The following CAPRIN2 variants were observed in gnomAD, a reference collection of about 807,000 sequenced individuals.
The protein encoded by CAPRIN2 is caprin family member 2.
CAPRIN2 carries 66 observed loss-of-function variants against 130.4 expected under a neutral mutation model. The observed-to-expected ratio is 0.51, with a 90% confidence interval of 0.42 to 0.62. CAPRIN2 has a LOEUF of 0.62. CAPRIN2 is among the 20% of genes least tolerant of loss of function. The pLI, the probability that CAPRIN2 is intolerant of heterozygous loss-of-function variation, is 0.00. For synonymous variants in CAPRIN2, 471 were observed against 444.1 expected (o/e 1.06, Z -0.76); for missense variants, 1,185 against 1,246.6 (o/e 0.95, Z 0.74).
intron 15 of CAPRIN2, among the ~76,000 whole-genome samples, chr12:30,713,547 C>G (rs192714997): frequency 3.3e-5 from 5 of 152,328 alleles, no homozygotes; most frequent in Non-Finnish European, 7.4e-5. Context: ...ATGCAAACAA[C>G]ATGATTAATA....
chr12:30,753,070 A>G (rs1288600720), intron 1 of CAPRIN2, among the ~76,000 whole-genome samples: 1 of 152,274 alleles, frequency 6.6e-6, no homozygotes. Flanking sequence ...TTAATACTAC[A>G]TAAGGAATTA....
chr12:30,716,931 A>T (rs185266308), intron 12 of CAPRIN2, among the ~76,000 whole-genome samples: 92 of 152,334 alleles, frequency 6.0e-4, no homozygotes, highest in Middle Eastern at 3.4e-3. Context: ...TATCAAAAAG[A>T]CAGAAAATAA....
intron 2 of CAPRIN2, among the ~76,000 whole-genome samples, chr12:30,743,331 T>C (rs1170530650): frequency 6.6e-6 from 1 of 152,156 alleles, no homozygotes; most frequent in Non-Finnish European, 1.5e-5. Flanking sequence ...CCCTCTAGCA[T>C]TACACAAATT....
Position 30,715,090 on chromosome 12 carries a change from A to G in CAPRIN2, c.2369T>C (p.Phe790Ser), listed in dbSNP as rs141928808. ...AAACACATTCGTCTGTGCTGGGTAAAAGGCAAGGCTACCATTGCTTACTTG... is the reference window on the plus strand; with the variant it reads ...AAACACATTCGTCTGTGCTGGGTAAGAGGCAAGGCTACCATTGCTTACTTG... Residue 790 changes from phenylalanine (F) to serine (S), a missense_variant, in exon 14 of 17, where the codon TTT (phenylalanine) becomes TCT (serine). Physicochemically the swap from Phe to Ser is radical, Grantham distance 155 (BLOSUM62 -2). Transcript: ENST00000298892. 1.4e-5 allele frequency: 22 copies of G among 1,614,064 alleles called. No individual in the cohort carries two copies. In the East Asian group the frequency reaches 4.7e-4, roughly 34 times the overall value.
chr12:30,718,288 T>C (rs1046394404), intron 12 of CAPRIN2, among the ~76,000 whole-genome samples: 5 of 152,184 alleles, frequency 3.3e-5, no homozygotes, highest in Admixed American at 3.3e-4. Context: ...AACTATTCTA[T>C]CTAGAAATAA....
intron 12 of CAPRIN2, among the ~76,000 whole-genome samples, chr12:30,718,048 A>C (rs141393411): frequency 7.8e-4 from 119 of 152,362 alleles, no homozygotes; most frequent in African/African-American, 2.8e-3. Context: ...TCAAACAGGC[A>C]GAGAAAACAG....
intron 8 of CAPRIN2, among the ~76,000 whole-genome samples, chr12:30,727,055 T>C (rs1231107456): frequency 1.3e-5 from 2 of 152,204 alleles, no homozygotes; most frequent in South Asian, 2.1e-4. Flanking sequence ...TTTCCAAATA[T>C]GTAACACTGA....
At chr12:30,727,964 C>T (rs1162614163) in intron 8 of CAPRIN2, among the ~76,000 whole-genome samples, 1 of 152,096 alleles carries the variant, frequency 6.6e-6, no homozygotes, top group East Asian at 1.9e-4. Context: ...AAAAGTTATT[C>T]GTATAGCAGG....
chr12:30,725,631 G>A (rs1312299697), intron 9 of CAPRIN2, among the ~76,000 whole-genome samples: 1 of 152,094 alleles, frequency 6.6e-6, no homozygotes, highest in Non-Finnish European at 1.5e-5. Context: ...GTACTACAAT[G>A]GTATCTAACA....
rs2054526035 is a variant in CAPRIN2, at chr12:30,711,420, A to G, written c.2665+146T>C. ...CTAGTGGTCTAGTATCTCCCTTAGT[A>G]CTTTAGTACTACATTCAAGCAAATT... On this transcript the variant is annotated intron_variant, in intron 16 of 16. Transcript: ENST00000298892. 3 of 655,488 alleles carry G rather than the reference A, an allele frequency of 4.6e-6. No homozygotes were observed. In the East Asian group the frequency reaches 8.1e-5, roughly 18 times the overall value. 40.6% of individuals were successfully genotyped at this position (655,488 alleles called of 1,614,324 possible).
chr12:30,740,665 A>G (rs969337637), intron 3 of CAPRIN2, among the ~76,000 whole-genome samples: 1 of 152,360 alleles, frequency 6.6e-6, no homozygotes, highest in East Asian at 1.9e-4. Flanking sequence ...CCTATCTTAT[A>G]TAAATTTACA....
intron 2 of CAPRIN2, among the ~76,000 whole-genome samples, chr12:30,747,446 G>A (rs1364402862): frequency 1.3e-5 from 2 of 152,150 alleles, no homozygotes; most frequent in Non-Finnish European, 2.9e-5. Flanking sequence ...GGGAGGCCGA[G>A]GCGGGCAGAT....
chr12:30,722,205 T>C (rs2050318944), intron 11 of CAPRIN2, among the ~76,000 whole-genome samples: 1 of 152,204 alleles, frequency 6.6e-6, no homozygotes, highest in African/African-American at 2.4e-5. Flanking sequence ...GCTTCCAAAT[T>C]AGTGCTTTTT....
At chr12:30,751,099 C>A (rs2073586898) in exon 2 of CAPRIN2, 3 of 1,613,936 alleles carry the variant, frequency 1.9e-6, no homozygotes, top group Non-Finnish European at 2.5e-6. Flanking sequence ...ATGCTCTCCA[C>A]TTTTCAGGCG....
intron 11 of CAPRIN2, 147 bp downstream of exon 12, chr12:30,723,112 C>A (rs189864706): frequency 3.3e-6 from 2 of 611,452 alleles, no homozygotes; most frequent in African/African-American, 1.8e-5. Flanking sequence ...TAGGACAAGT[C>A]GTATTTAATC....
At chr12:30,711,844 C>T in intron 15 of CAPRIN2, 1 of 674,478 alleles carries the variant, frequency 1.5e-6, no homozygotes, top group Admixed American at 2.0e-5. Context: ...ATTAACCTGA[C>T]CAATCAGATC....
rs201366580 is a variant in CAPRIN2, at chr12:30,736,397, C to CAA, written c.571-1193_571-1192dup. On this transcript the variant is annotated intron_variant, in intron 3 of 16. Coordinates refer to ENST00000298892, the Ensembl canonical transcript of CAPRIN2. The stretch of plus-strand genomic sequence containing the variant: ...TCCGCAAGGTATGAAGATTAAAATA[C>CAA]AAAAAAAAAAAAACCACTAAGATTT... Among the ~76,000 whole-genome samples the CAA allele has an allele frequency of 3.3e-3, 442 of 133,300 alleles. 3 individuals carry two copies. Among genetic ancestry groups the CAA allele is most frequent in the African/African-American group, 0.01 (385 of 37,506 alleles). 87.4% of individuals were successfully genotyped at this position (133,300 alleles called of 152,430 possible). A position where few individuals can be genotyped will look rare whatever the true frequency, so the allele number is the denominator to read the frequency against.
At chr12:30,747,625 C>T (rs2071315228) in intron 2 of CAPRIN2, among the ~76,000 whole-genome samples, 1 of 150,622 alleles carries the variant, frequency 6.6e-6, no homozygotes, top group African/African-American at 2.4e-5. Flanking sequence ...TGCGGTGAGC[C>T]GAGATCGTGC....
At chr12:30,742,617 A>G (rs751141095) in intron 2 of CAPRIN2, among the ~76,000 whole-genome samples, 5 of 151,976 alleles carry the variant, frequency 3.3e-5, no homozygotes, top group Non-Finnish European at 5.9e-5. Context: ...AAAAAAGCAA[A>G]CTGCAGAATA....
Sources: gnomAD v4.1 joint callset for allele counts (sites outside exome capture counted in the v4.1 genomes callset) on GRCh38, gnomAD v4.1.1 for gene constraint, MANE v1.5 for transcripts, NCBI Gene and HGNC (gene_info 2026-07-23, HGNC 2026-07-21) for gene names.